VAV3: variants seen among roughly 807,000 people sequenced by gnomAD.
The protein encoded by VAV3 is guanine nucleotide exchange factor VAV3.
A neutral mutation model predicts 131.2 loss-of-function variants in VAV3; 94 were observed. That is an observed-to-expected ratio of 0.72 (90% CI 0.61 to 0.85). The LOEUF (loss-of-function observed/expected upper bound fraction) is 0.85, where lower values mean the gene tolerates loss of function less well. Among genes scored for constraint, VAV3 ranks in the 40% least tolerant of loss-of-function variants. The probability of loss-of-function intolerance (pLI) is 0.00; values close to 1 mark genes in which losing one functional copy is unlikely to be tolerated. For missense variants in VAV3, 939 were observed against 1,002.7 expected (o/e 0.94, Z 0.86); for synonymous variants, 349 against 342.0 (o/e 1.02, Z -0.22).
At chr1:107,592,664 T>G (rs1485549979) in intron 25 of VAV3, among the ~76,000 whole-genome samples, 1 of 152,048 alleles carries the variant, frequency 6.6e-6, no homozygotes, top group African/African-American at 2.4e-5. Flanking sequence ...GGAAAAAACC[T>G]AAGATGCTAT....
intron 15 of VAV3, among the ~76,000 whole-genome samples, chr1:107,745,668 G>A (rs879631084): frequency 6.6e-6 from 1 of 152,120 alleles, no homozygotes; most frequent in Non-Finnish European, 1.5e-5. Context: ...TCTAAATTAA[G>A]AGCCCTAATT....
At chr1:107,778,724 G>T (rs1371659742) in intron 3 of VAV3, among the ~76,000 whole-genome samples, 1 of 152,162 alleles carries the variant, frequency 6.6e-6, no homozygotes, top group East Asian at 1.9e-4. Context: ...AATAAAGAAG[G>T]TAAAAAACAA....
chr1:107,576,443 T>A, intron 25 of VAV3: 3 of 1,517,602 alleles, frequency 2.0e-6, no homozygotes, highest in Non-Finnish European at 2.6e-6. Context: ...TCTGGAGGAG[T>A]TACAAAAGAA....
At chr1:107,853,351 T>C (rs974918096) in intron 2 of VAV3, among the ~76,000 whole-genome samples, 6 of 152,192 alleles carry the variant, frequency 3.9e-5, no homozygotes, top group Non-Finnish European at 8.8e-5. Flanking sequence ...AGGAGACAAG[T>C]GTTTTCCATT....
At chr1:107,816,263 G>A (rs1029982819) in intron 2 of VAV3, among the ~76,000 whole-genome samples, 1 of 152,162 alleles carries the variant, frequency 6.6e-6, no homozygotes, top group African/African-American at 2.4e-5. Flanking sequence ...TGAGTACTTG[G>A]ATGACTTTGG....
At chr1:107,939,491 T>C (rs555819350) in intron 1 of VAV3, among the ~76,000 whole-genome samples, 2 of 152,328 alleles carry the variant, frequency 1.3e-5, no homozygotes, top group Admixed American at 6.5e-5. Context: ...GTCAGCCAAG[T>C]GATCATGAGG....
intron 1 of VAV3, among the ~76,000 whole-genome samples, chr1:107,920,228 C>G (rs962009443): frequency 2.0e-5 from 3 of 152,180 alleles, no homozygotes; most frequent in African/African-American, 7.2e-5. Flanking sequence ...AAAACGGGAA[C>G]AGTACTGGCA....
chr1:107,687,159 T>C (rs771847614), intron 18 of VAV3, among the ~76,000 whole-genome samples: 1 of 152,076 alleles, frequency 6.6e-6, no homozygotes, highest in African/African-American at 2.4e-5. Context: ...AAGAAACTCA[T>C]ATGGCCTATT....
intron 22 of VAV3, among the ~76,000 whole-genome samples, chr1:107,604,428 G>C (rs1224252833): frequency 6.6e-6 from 1 of 152,056 alleles, no homozygotes; most frequent in Non-Finnish European, 1.5e-5. Context: ...TGAACTACTA[G>C]GACCTAGTAT....
chr1:107,836,374 T>G (rs1378897860), intron 2 of VAV3, among the ~76,000 whole-genome samples: 1 of 152,164 alleles, frequency 6.6e-6, no homozygotes, highest in Non-Finnish European at 1.5e-5. Flanking sequence ...ATCTTTGAAA[T>G]TAATGAAACA....
At chr1:107,677,194 T>A (rs1186790999) in intron 19 of VAV3, among the ~76,000 whole-genome samples, 1 of 152,190 alleles carries the variant, frequency 6.6e-6, no homozygotes, top group Non-Finnish European at 1.5e-5. Flanking sequence ...TTGATAATAA[T>A]CTTGCTATTT....
intron 2 of VAV3, among the ~76,000 whole-genome samples, chr1:107,842,595 C>T (rs1427482966): frequency 6.6e-6 from 1 of 152,158 alleles, no homozygotes; most frequent in Non-Finnish European, 1.5e-5. Flanking sequence ...TTGTTCACAG[C>T]AAAGGTTTGA....
intron 1 of VAV3, among the ~76,000 whole-genome samples, chr1:107,930,626 T>C (rs977501982): frequency 9.2e-5 from 14 of 152,194 alleles, no homozygotes; most frequent in Admixed American, 6.5e-5. Context: ...AAAGAACTAA[T>C]GACATTTTTT....
At chr1:107,952,947 C>G (rs1323878719) in intron 1 of VAV3, among the ~76,000 whole-genome samples, 4 of 152,182 alleles carry the variant, frequency 2.6e-5, no homozygotes, top group Non-Finnish European at 4.4e-5. Context: ...TAAAAAATAA[C>G]AGAAATTTCG....
intron 22 of VAV3, among the ~76,000 whole-genome samples, chr1:107,609,008 G>A (rs891796236): frequency 6.6e-6 from 1 of 152,124 alleles, no homozygotes; most frequent in African/African-American, 2.4e-5. Flanking sequence ...TTTGGGGGCA[G>A]TATAGCAATG....
At chr1:107,824,654 C>T (rs1290602920) in intron 2 of VAV3, among the ~76,000 whole-genome samples, 1 of 152,056 alleles carries the variant, frequency 6.6e-6, no homozygotes, top group Non-Finnish European at 1.5e-5. Flanking sequence ...GCAGCATTTT[C>T]AGTTAAATAA....
intron 6 of VAV3, 58 bp from the exon 7 acceptor site, chr1:107,768,567 T>C: frequency 1.4e-6 from 2 of 1,383,370 alleles, no homozygotes; most frequent in Non-Finnish European, 2.0e-6. Flanking sequence ...ATCTATATAA[T>C]AGTTTTTCAT....
At chr1:107,688,487 G>T (rs1211043789) in intron 17 of VAV3, 81 bp from the exon 18 acceptor site, 2 of 1,599,026 alleles carry the variant, frequency 1.3e-6, no homozygotes, top group Admixed American at 3.4e-5. Flanking sequence ...CTGCAGAGTG[G>T]TAAAACACCA....
chr1:107,956,335 G>A (rs1312892436), intron 1 of VAV3, among the ~76,000 whole-genome samples: 1 of 152,166 alleles, frequency 6.6e-6, no homozygotes, highest in African/African-American at 2.4e-5. Context: ...ATGGTCTCGG[G>A]CAGTTCTCAA....
Sources: allele counts gnomAD v4.1 joint callset (sites outside exome capture counted in the v4.1 genomes callset), GRCh38; gene constraint gnomAD v4.1.1; transcripts MANE v1.5; gene names NCBI Gene and HGNC (gene_info 2026-07-23, HGNC 2026-07-21).